The following ZFAND4 variants were observed in gnomAD, a reference collection of about 807,000 sequenced individuals.
ZFAND4 encodes AN1-type zinc finger protein 4.
In ZFAND4, 43 loss-of-function variants were observed where a neutral mutation model predicts 64.4. The observed-to-expected ratio is 0.67, with a 90% CI of 0.52 to 0.86. The LOEUF (loss-of-function observed/expected upper bound fraction) is 0.86. ZFAND4 is among the 40% of genes least tolerant of loss of function. The pLI is 0.00. For missense variants in ZFAND4, 929 were observed against 859.8 expected (o/e 1.08, Z -1.01); for synonymous variants, 296 against 305.7 (o/e 0.97, Z 0.33).
chr10:45,654,677 T>G (rs1191716713), intron 2 of ZFAND4, among the ~76,000 whole-genome samples: 7 of 150,464 alleles, frequency 4.7e-5, no homozygotes, highest in South Asian at 2.1e-4. Context: ...AGGCCTAAAA[T>G]GGAAATCAAA....
At chr10:45,624,052 C>G (rs1226581844) in intron 8 of ZFAND4, among the ~76,000 whole-genome samples, 1 of 152,076 alleles carries the variant, frequency 6.6e-6, no homozygotes, top group East Asian at 1.9e-4. Context: ...AATGACTGGC[C>G]GGTGCATCTT....
Position 45,653,051 on chromosome 10 carries a change from T to A in ZFAND4, c.193A>T (p.Ile65Phe). 1 of 1,609,302 alleles carries A rather than the reference T, an allele frequency of 6.2e-7. No homozygotes were observed. Among genetic ancestry groups the A allele is most frequent in the Non-Finnish European group, 8.5e-7 (1 of 1,176,986 alleles). ...AKIRRLEGIPICRQHLIWNNM... is the reference protein window; with the variant it reads ...AKIRRLEGIPFCRQHLIWNNM... Reference sequence around the variant, plus strand: ...TTCCAAATTAAGTGTTGTCGACAGATGGGAATACCTTAAGGGAAAGTTATT... The same window carrying A: ...TTCCAAATTAAGTGTTGTCGACAGAAGGGAATACCTTAAGGGAAAGTTATT... Residue 65 changes from isoleucine to phenylalanine, a missense_variant, in exon 3 of 10, where the codon ATC becomes TTC. Ile to Phe is a conservative substitution (Grantham distance 21). Coordinates refer to ENST00000344646, the MANE Select transcript of ZFAND4 (RefSeq NM_174890.4).
intron 2 of ZFAND4, among the ~76,000 whole-genome samples, chr10:45,661,343 C>T (rs919698617): frequency 6.6e-6 from 1 of 152,018 alleles, no homozygotes; most frequent in African/African-American, 2.4e-5. Context: ...CTGAGCAGGC[C>T]CTGCTCCTCC....
chr10:45,634,728 G>A (rs895239360), intron 6 of ZFAND4, among the ~76,000 whole-genome samples: 1 of 152,022 alleles, frequency 6.6e-6, no homozygotes, highest in African/African-American at 2.4e-5. Flanking sequence ...ATCCTTGATT[G>A]CAGATAATAT....
At chr10:45,616,855 G>C (rs959225701) in intron 9 of ZFAND4, among the ~76,000 whole-genome samples, 12 of 152,194 alleles carry the variant, frequency 7.9e-5, no homozygotes, top group African/African-American at 2.7e-4. Context: ...AGCACTTTGG[G>C]AAGCCGAGGC....
At chr10:45,666,818 C>T (rs1320076766) in intron 1 of ZFAND4, among the ~76,000 whole-genome samples, 2 of 152,142 alleles carry the variant, frequency 1.3e-5, no homozygotes, top group Non-Finnish European at 2.9e-5. Flanking sequence ...AACCAATTTA[C>T]TGTAAATGTG....
At chr10:45,631,084 C>T (rs534343509) in intron 6 of ZFAND4, among the ~76,000 whole-genome samples, 3 of 152,008 alleles carry the variant, frequency 2.0e-5, no homozygotes, top group South Asian at 2.1e-4. Flanking sequence ...TTTGGAAGGC[C>T]GAGGCGGGCG....
At chr10:45,637,640 T>G (rs1246024348) in intron 6 of ZFAND4, among the ~76,000 whole-genome samples, 4 of 151,482 alleles carry the variant, frequency 2.6e-5, no homozygotes, top group African/African-American at 7.3e-5. Flanking sequence ...ATCCCAGCTA[T>G]TTGGGAGGCT....
chr10:45,627,774 T>C (rs755906366), intron 6 of ZFAND4, among the ~76,000 whole-genome samples: 1 of 152,234 alleles, frequency 6.6e-6, no homozygotes, highest in Non-Finnish European at 1.5e-5. Context: ...GAGTCTCTAA[T>C]GAGCCTCCCC....
chr10:45,617,090 A>T (rs971622110), intron 9 of ZFAND4, among the ~76,000 whole-genome samples: 1 of 119,356 alleles, frequency 8.4e-6, no homozygotes, highest in Non-Finnish European at 2.0e-5. Context: ...AAGAAAAAAG[A>T]AAAAAAAAAA....
At chr10:45,644,076 C>G (rs1021803390) in intron 5 of ZFAND4, among the ~76,000 whole-genome samples, 3 of 152,002 alleles carry the variant, frequency 2.0e-5, no homozygotes, top group African/African-American at 7.3e-5. Flanking sequence ...CTATGACAGA[C>G]TTTATGTGGC....
intron 4 of ZFAND4, chr10:45,651,316 C>A: frequency 4.3e-6 from 1 of 230,436 alleles, no homozygotes; most frequent in Non-Finnish European, 9.0e-6. Flanking sequence ...CCCTTCCTAC[C>A]CTATTTTCTG....
At chr10:45,671,665 C>A (rs1315448292) in intron 1 of ZFAND4, among the ~76,000 whole-genome samples, 2 of 152,058 alleles carry the variant, frequency 1.3e-5, no homozygotes, top group Non-Finnish European at 2.9e-5. Context: ...GGGAACATCA[C>A]ACACTGGGGC....
At chr10:45,668,766 A>G (rs1005016382) in intron 1 of ZFAND4, among the ~76,000 whole-genome samples, 6 of 152,204 alleles carry the variant, frequency 3.9e-5, no homozygotes, top group East Asian at 3.9e-4. Flanking sequence ...GCACAACTAC[A>G]TGGAAACTGA....
Position 45,627,140 on chromosome 10 carries a change from T to A in ZFAND4, c.718-35A>T, listed in dbSNP as rs754636482. On this transcript the variant is annotated intron_variant, in intron 6 of 9. Transcript: ENST00000344646. ...ATGAATATACAGTTTCTTTACACAG[T>A]CGTTTTCTCTGCCCATTAACAAAAA... 2.0e-6 allele frequency: 3 copies of A among 1,490,924 alleles called. No individual in the cohort carries two copies. The Admixed American group carries it at 7.4e-5, about 37-fold the overall frequency. 92.4% of individuals were successfully genotyped at this position (1,490,924 alleles called of 1,614,324 possible). A position where few individuals can be genotyped will look rare whatever the true frequency, so the allele number is the denominator to read the frequency against.
chr10:45,621,047 T>C (rs923054620), intron 8 of ZFAND4: 3 of 152,224 alleles, frequency 2.0e-5, no homozygotes, highest in African/African-American at 7.2e-5. Context: ...ATATTTTATC[T>C]AACATCTAAC....
chr10:45,652,106 G>T, intron 3 of ZFAND4, 73 bp from the exon 4 acceptor site: 1 of 1,480,064 alleles, frequency 6.8e-7, no homozygotes, highest in Non-Finnish European at 9.4e-7. Flanking sequence ...ATAATTATGT[G>T]CTGGCTTATC....
At chr10:45,624,448 A>G in intron 8 of ZFAND4, 135 bp downstream of exon 8, 1 of 683,678 alleles carries the variant, frequency 1.5e-6, no homozygotes, top group South Asian at 2.3e-5. Flanking sequence ...TTAATTGGAA[A>G]AAGCATTTAG....
intron 5 of ZFAND4, among the ~76,000 whole-genome samples, chr10:45,643,453 C>G (rs1195153234): frequency 6.6e-6 from 1 of 150,996 alleles, no homozygotes; most frequent in Non-Finnish European, 1.5e-5. Context: ...GGCGGATCAC[C>G]AGGACGGGAG....
Sources: gnomAD v4.1 joint callset for allele counts (sites outside exome capture counted in the v4.1 genomes callset) on GRCh38, gnomAD v4.1.1 for gene constraint, MANE v1.5 for transcripts, NCBI Gene and HGNC (gene_info 2026-07-23, HGNC 2026-07-21) for gene names.